CNTNAP2: variants seen among roughly 807,000 people sequenced by gnomAD.
The protein encoded by CNTNAP2 is contactin-associated protein-like 2.
In CNTNAP2, 98 loss-of-function variants were observed where a neutral mutation model predicts 155.2. The ratio of observed to expected loss-of-function variants is 0.63; its 90% CI spans 0.54 to 0.75. The LOEUF (loss-of-function observed/expected upper bound fraction) is 0.75. CNTNAP2 is among the 30% of genes least tolerant of loss of function. The pLI is 0.00. For missense variants in CNTNAP2, 1,727 were observed against 1,688.1 expected, an observed-to-expected ratio of 1.02 and a Z score of -0.40; for synonymous variants, 651 against 631.2, an observed-to-expected ratio of 1.03 and a Z score of -0.47.
chr7:147,358,656 C>T (rs1030406911), intron 9 of CNTNAP2, among the ~76,000 whole-genome samples: 1 of 151,812 alleles, frequency 6.6e-6, no homozygotes, highest in Non-Finnish European at 1.5e-5. Flanking sequence ...ATAAAAGTGA[C>T]TACCAAGCAT....
At chr7:147,841,316 A>G (rs1798726972) in intron 13 of CNTNAP2, among the ~76,000 whole-genome samples, 1 of 152,162 alleles carries the variant, frequency 6.6e-6, no homozygotes, top group Non-Finnish European at 1.5e-5. Flanking sequence ...CAACAAACAC[A>G]CTATCACAGC....
At chr7:146,122,187 C>T (rs1797572964) in intron 1 of CNTNAP2, among the ~76,000 whole-genome samples, 1 of 152,190 alleles carries the variant, frequency 6.6e-6, no homozygotes, top group Admixed American at 6.5e-5. Context: ...AGCTCAGCCC[C>T]TCCTTTCTCC....
At chr7:146,437,378 A>G (rs1639443) in intron 1 of CNTNAP2, among the ~76,000 whole-genome samples, 5,625 of 151,510 alleles carry the variant, frequency 0.037, 597 homozygotes, top group African/African-American at 0.13. Context: ...TGTGTGGGTT[A>G]TACACTATTA....
chr7:146,571,890 C>T (rs1364462934), intron 1 of CNTNAP2, among the ~76,000 whole-genome samples: 1 of 152,078 alleles, frequency 6.6e-6, no homozygotes, highest in Admixed American at 6.6e-5. Flanking sequence ...CGCCACCACA[C>T]CCAGCTAATT....
chr7:148,145,377 C>A (rs1805158364), intron 16 of CNTNAP2, among the ~76,000 whole-genome samples: 1 of 152,176 alleles, frequency 6.6e-6, no homozygotes, highest in Admixed American at 6.5e-5. Flanking sequence ...CGACTTCTGG[C>A]ACTCAGAGTT....
intron 9 of CNTNAP2, chr7:147,377,892 A>G (rs188679266): frequency 7.6e-6 from 3 of 396,624 alleles, no homozygotes; most frequent in East Asian, 7.2e-5. Context: ...GTGCTAGATT[A>G]CCTTTATAAA....
chr7:146,492,050 T>C lies in CNTNAP2; in HGVS notation c.98-282221T>C, dbSNP rs151002440. On this transcript the variant is annotated intron_variant, in intron 1 of 23. Coordinates refer to ENST00000361727, the MANE Select transcript of CNTNAP2 (RefSeq NM_014141.6). ...ATGGTAAAACTGCTCTGATTTTCTA[T>C]AATTAAGAAACGCAATGTCTCTAGA... Among the ~76,000 whole-genome samples, 998 of 152,240 alleles carry C rather than the reference T, an allele frequency of 6.6e-3. 8 individuals carry two copies. Among genetic ancestry groups the C allele is most frequent in the African/African-American group, 0.023 (952 of 41,548 alleles).
chr7:147,615,525 T>C (rs1284349048), intron 12 of CNTNAP2, among the ~76,000 whole-genome samples: 1 of 152,064 alleles, frequency 6.6e-6, no homozygotes, highest in Non-Finnish European at 1.5e-5. Context: ...CAGTACAATG[T>C]AAATTCAACA....
intron 1 of CNTNAP2, among the ~76,000 whole-genome samples, chr7:146,766,787 T>TATTC (rs1802202508): frequency 6.6e-6 from 1 of 152,172 alleles, no homozygotes; most frequent in Non-Finnish European, 1.5e-5. Context: ...GCCATCTGTA[T>TATTC]ATTCATCAAG....
intron 1 of CNTNAP2, among the ~76,000 whole-genome samples, chr7:146,134,966 G>A (rs1285128590): frequency 6.6e-6 from 1 of 151,618 alleles, no homozygotes; most frequent in Admixed American, 6.6e-5. Context: ...CTATTGATTG[G>A]AATAGTTTCA....
intron 5 of CNTNAP2, among the ~76,000 whole-genome samples, chr7:147,119,894 G>A (rs1332596003): frequency 6.6e-6 from 1 of 152,058 alleles, no homozygotes; most frequent in Non-Finnish European, 1.5e-5. Flanking sequence ...GATTAATTTT[G>A]CCTGACCATA....
At chr7:146,360,969 A>G (rs1795074047) in intron 1 of CNTNAP2, among the ~76,000 whole-genome samples, 1 of 152,178 alleles carries the variant, frequency 6.6e-6, no homozygotes, top group Admixed American at 6.5e-5. Context: ...ATTTTCTTCT[A>G]TTAGTATTTA....
intron 3 of CNTNAP2, among the ~76,000 whole-genome samples, chr7:146,988,238 A>G (rs914203935): frequency 2.0e-5 from 3 of 152,156 alleles, no homozygotes; most frequent in Non-Finnish European, 2.9e-5. Context: ...AATGTAGAAT[A>G]TAACATTTTT....
intron 1 of CNTNAP2, among the ~76,000 whole-genome samples, chr7:146,450,091 C>CT (rs1308994428): frequency 6.6e-6 from 1 of 152,006 alleles, no homozygotes; most frequent in Non-Finnish European, 1.5e-5. Flanking sequence ...TACGTTGTAC[C>CT]TTTTCTAAAA....
chr7:147,640,810 C>T (rs1455075039), intron 13 of CNTNAP2, among the ~76,000 whole-genome samples: 4 of 152,102 alleles, frequency 2.6e-5, no homozygotes, highest in Non-Finnish European at 5.9e-5. Flanking sequence ...AGAGAAAACC[C>T]TGTGTGTGGT....
chr7:146,597,893 G>A (rs538069474), intron 1 of CNTNAP2, among the ~76,000 whole-genome samples: 24 of 152,112 alleles, frequency 1.6e-4, no homozygotes, highest in Admixed American at 9.2e-4. Context: ...TCTCTACTCC[G>A]AACCTCTTCT....
At chr7:147,089,486 G>C (rs1800352563) in intron 4 of CNTNAP2, among the ~76,000 whole-genome samples, 1 of 151,976 alleles carries the variant, frequency 6.6e-6, no homozygotes, top group Non-Finnish European at 1.5e-5. Context: ...ATTTTTACTT[G>C]ATTTAGCTAA....
At chr7:147,776,697 T>A (rs897287217) in intron 13 of CNTNAP2, among the ~76,000 whole-genome samples, 1 of 152,116 alleles carries the variant, frequency 6.6e-6, no homozygotes, top group African/African-American at 2.4e-5. Flanking sequence ...ACTAAAAGCT[T>A]GAAAATTTTT....
chr7:146,308,681 C>G (rs1193283678), intron 1 of CNTNAP2, among the ~76,000 whole-genome samples: 1 of 152,078 alleles, frequency 6.6e-6, no homozygotes, highest in Non-Finnish European at 1.5e-5. Context: ...CTCTTAGGGA[C>G]ATGGATGAAG....
Sources: allele counts gnomAD v4.1 joint callset (sites outside exome capture counted in the v4.1 genomes callset), GRCh38; gene constraint gnomAD v4.1.1; transcripts MANE v1.5; gene names NCBI Gene and HGNC (gene_info 2026-07-23, HGNC 2026-07-21).